The following UBE2K variants were observed in gnomAD, a reference collection of about 807,000 sequenced individuals.
UBE2K encodes the protein ubiquitin-conjugating enzyme E2 K.
Under a neutral mutation model 30.0 loss-of-function variants are expected in UBE2K, and 6 were observed. The ratio of observed to expected loss-of-function variants is 0.20; its 90% confidence interval spans 0.11 to 0.39. The LOEUF is 0.39. Ranked by LOEUF, UBE2K falls within the 10% of genes least tolerant of loss-of-function variation. The pLI, the probability that UBE2K is intolerant of heterozygous loss-of-function variation, is 1.00. For missense variants in UBE2K, 61 were observed against 241.6 expected (o/e 0.25, Z 4.96); for synonymous variants, 86 against 83.7 (o/e 1.03, Z -0.15).
chr4:39,738,655 T>C lies in UBE2K; in HGVS notation c.157+1142T>C, dbSNP rs572944256. Among the ~76,000 whole-genome samples the C allele has an allele frequency of 3.8e-4, 58 of 152,230 alleles. 2 individuals carry two copies. The South Asian group carries it at 0.012, about 32-fold the overall frequency. On this transcript the variant is annotated intron_variant, in intron 2 of 6. Transcript: ENST00000261427. ...TGCCACCATATCCAGTTAAATACTT[T>C]GTGTGTGTTTTTTGTTGTTCATTTT...
At chr4:39,709,677 G>T (rs144031232) in intron 1 of UBE2K, among the ~76,000 whole-genome samples, 2 of 151,904 alleles carry the variant, frequency 1.3e-5, no homozygotes, top group South Asian at 4.1e-4. Context: ...GGATAAGAGG[G>T]GATATATTAA....
intron 4 of UBE2K, among the ~76,000 whole-genome samples, chr4:39,764,237 C>CT (rs1712158702): frequency 6.6e-6 from 1 of 152,148 alleles, no homozygotes; most frequent in Admixed American, 6.5e-5. Context: ...TGCCTGTAGT[C>CT]TAAGGTGAGA....
At chr4:39,770,497 C>T (rs1712718028) in intron 4 of UBE2K, 18 of 1,610,046 alleles carry the variant, frequency 1.1e-5, no homozygotes, top group Non-Finnish European at 1.5e-5. Flanking sequence ...GAGAAGCTCC[C>T]AGGCAGGGGT....
At chr4:39,740,999 G>A (rs12507502) in intron 2 of UBE2K, among the ~76,000 whole-genome samples, 46,454 of 151,692 alleles carry the variant, frequency 0.31, 8,636 homozygotes, top group Admixed American at 0.48. Context: ...CTGCCTGGGC[G>A]GGGTGGCTGA....
intron 4 of UBE2K, 128 bp from the exon 5 acceptor site, chr4:39,774,706 A>G: frequency 2.3e-6 from 1 of 437,560 alleles, no homozygotes; most frequent in Admixed American, 4.1e-5. Context: ...CTATGACTTA[A>G]CTATATAATT....
At chr4:39,759,466 T>G (rs1560371958) in intron 4 of UBE2K, among the ~76,000 whole-genome samples, 1 of 152,118 alleles carries the variant, frequency 6.6e-6, no homozygotes, top group Non-Finnish European at 1.5e-5. Flanking sequence ...CTATTTTTAG[T>G]AGAGACAGGG....
rs942505039 is a variant in UBE2K at position 39,782,786 on chromosome 4, C to T, written c.*4352C>T. On this transcript the variant is annotated 3_prime_UTR_variant, in exon 7 of 7. Transcript: ENST00000261427. The stretch of plus-strand genomic sequence containing the variant: ...AAAATAAATGCATGCATGTTTTCCC[C>T]TGAAAATGGTTTATATCTTATTTCT... The T allele has an allele frequency of 9.9e-5, 15 of 152,234 alleles. No individual in the cohort carries two copies. Among genetic ancestry groups the T allele is most frequent in the Admixed American group, 7.8e-4 (12 of 15,294 alleles). The allele number at this position is 152,234 out of a possible 1,614,324, so 9.4% of individuals were successfully genotyped here. A position where few individuals can be genotyped will look rare whatever the true frequency, so the allele number is the denominator to read the frequency against.
At chr4:39,724,892 T>C (rs1427623249) in intron 1 of UBE2K, among the ~76,000 whole-genome samples, 2 of 152,238 alleles carry the variant, frequency 1.3e-5, no homozygotes, top group East Asian at 3.8e-4. Flanking sequence ...ATTAACATTT[T>C]TTGTAGCTGT....
At chr4:39,736,607 TG>T (rs1352028263) in intron 1 of UBE2K, among the ~76,000 whole-genome samples, 14 of 152,244 alleles carry the variant, frequency 9.2e-5, no homozygotes, top group African/African-American at 3.1e-4. Context: ...TGAGTCCCAC[TG>T]GATGGTTTTC....
chr4:39,757,736 G>A lies in UBE2K; in HGVS notation c.299+1997G>A, dbSNP rs115154279. ...TCGCCAAGGCCTCTAAAAGCTCTAAGATTCAGTGATATGAATACATATTTG... is the reference window on the plus strand; with the variant it reads ...TCGCCAAGGCCTCTAAAAGCTCTAAAATTCAGTGATATGAATACATATTTG... On this transcript the variant is annotated intron_variant, in intron 4 of 6. Transcript: ENST00000261427. Among the ~76,000 whole-genome samples, 631 of 152,266 alleles carry A rather than the reference G, an allele frequency of 4.1e-3. 5 individuals carry two copies. Among genetic ancestry groups the A allele is most frequent in the African/African-American group, 0.015 (616 of 41,558 alleles).
rs1718162300 is a variant in UBE2K at position 39,703,683 on chromosome 4, C to T, written c.63+5293C>T. Among the ~76,000 whole-genome samples, 5 of 151,630 alleles carry T rather than the reference C, an allele frequency of 3.3e-5. No homozygotes were observed. The South Asian group carries it at 1.0e-3, about 32-fold the overall frequency. On this transcript the variant is annotated intron_variant, in intron 1 of 6. Transcript: ENST00000261427. ...CCAACATGATGAAACCCCGTCTCTA[C>T]TAAAAATACAAAAATTAGCCGGGCA...
chr4:39,771,391 T>C, intron 4 of UBE2K: 2 of 1,611,864 alleles, frequency 1.2e-6, no homozygotes, highest in South Asian at 1.1e-5. Context: ...CGTAGCGGCC[T>C]AGTGGCCGGG....
Position 39,770,844 on chromosome 4 carries a change from TC to T in UBE2K, c.300-3988del, listed in dbSNP as rs1427786666. 29 of 1,539,896 alleles carry T rather than the reference TC, an allele frequency of 1.9e-5. No individual in the cohort carries two copies. In the East Asian group the frequency reaches 6.1e-4, roughly 32 times the overall value. On this transcript the variant is annotated intron_variant, in intron 4 of 6. Transcript: ENST00000261427. ...GATGTCAGATACGTCCTCATCCTCATCCTCTTCCTCGGCTTTCAGCTCCAAG... is the reference window on the plus strand; with the variant it reads ...GATGTCAGATACGTCCTCATCCTCATCTCTTCCTCGGCTTTCAGCTCCAAG...
At chr4:39,757,116 A>G (rs1451050696) in intron 4 of UBE2K, among the ~76,000 whole-genome samples, 2 of 145,518 alleles carry the variant, frequency 1.4e-5, no homozygotes, top group Non-Finnish European at 3.0e-5. Context: ...ACCTCTGCCT[A>G]CCGGGTTCAA....
intron 4 of UBE2K, chr4:39,770,310 A>G: frequency 6.2e-7 from 1 of 1,612,398 alleles, no homozygotes; most frequent in Non-Finnish European, 8.5e-7. Flanking sequence ...GTGTGACTTG[A>G]CACCACGATG....
chr4:39,698,416 C>T (rs1342827921), intron 1 of UBE2K, 26 bp downstream of exon 1: 4 of 1,598,278 alleles, frequency 2.5e-6, no homozygotes, highest in African/African-American at 2.7e-5. Flanking sequence ...CCGGATATCC[C>T]CCACCTCTGC....
intron 1 of UBE2K, among the ~76,000 whole-genome samples, chr4:39,717,531 T>TC (rs1368874651): frequency 7.2e-5 from 11 of 152,232 alleles, no homozygotes; most frequent in Admixed American, 6.5e-5. Context: ...GCCCAGCCTC[T>TC]CCCAGCTTTT....
intron 1 of UBE2K, among the ~76,000 whole-genome samples, chr4:39,711,259 G>T (rs888110700): frequency 2.7e-5 from 4 of 149,482 alleles, no homozygotes; most frequent in Non-Finnish European, 4.5e-5. Context: ...GCCTCCCGGG[G>T]TCATGCCATT....
intron 2 of UBE2K, among the ~76,000 whole-genome samples, chr4:39,743,847 GTTTTC>G (rs149890020): frequency 8.6e-5 from 13 of 151,950 alleles, no homozygotes; most frequent in African/African-American, 2.4e-4. Flanking sequence ...CCCCTTCAGT[GTTTTC>G]TTTTCTTTTT....
Sources: allele counts gnomAD v4.1 joint callset (sites outside exome capture counted in the v4.1 genomes callset), GRCh38; gene constraint gnomAD v4.1.1; transcripts MANE v1.5; gene names NCBI Gene and HGNC (gene_info 2026-07-23, HGNC 2026-07-21).